NEBL: variants seen among roughly 807,000 people sequenced by gnomAD.
The protein encoded by NEBL is nebulette.
A neutral mutation model predicts 140.2 loss-of-function variants in NEBL; 122 were observed. The ratio of observed to expected loss-of-function variants is 0.87; its 90% CI spans 0.75 to 1.01. NEBL has a LOEUF of 1.01. Ranked by LOEUF, NEBL falls within the 50% of genes least tolerant of loss-of-function variation. The pLI, the probability that NEBL is intolerant of heterozygous loss-of-function variation, is 0.00. For synonymous variants in NEBL, 436 were observed against 398.9 expected, an observed-to-expected ratio of 1.09 and a Z score of -1.11; for missense variants, 1,365 against 1,231.3, an observed-to-expected ratio of 1.11 and a Z score of -1.62.
intron 1 of NEBL, among the ~76,000 whole-genome samples, chr10:21,267,252 A>T (rs1842808055): frequency 6.6e-6 from 1 of 152,186 alleles, no homozygotes; most frequent in African/African-American, 2.4e-5. Context: ...CTGGGATTAC[A>T]GGCATGAGCC....
At chr10:20,819,577 G>A in intron 19 of NEBL, 61 bp from the exon 20 acceptor site, 2 of 1,589,766 alleles carry the variant, frequency 1.3e-6, no homozygotes, top group Non-Finnish European at 1.7e-6. Context: ...CCAAAACATT[G>A]CAACAGATTT....
chr10:20,929,046 C>G (rs575169758), intron 4 of NEBL, among the ~76,000 whole-genome samples: 388 of 152,120 alleles, frequency 2.6e-3, no homozygotes, highest in Non-Finnish European at 4.6e-3. Flanking sequence ...CACCAGGCCT[C>G]TAAAGGTTGG....
chr10:20,992,765 C>CTTTT lies in NEBL; in HGVS notation c.249+27348_249+27351dup, dbSNP rs35627113. ...AATCAGTCATTTGCAACTACAAAGT[C>CTTTT]TTTTTTTTTTTTTTTTTTTTTTTTT... is the stretch of plus-strand genomic sequence containing the variant. On this transcript the variant is annotated intron_variant, in intron 3 of 6. Transcript: ENST00000417816. 7.2e-3 allele frequency among the ~76,000 whole-genome samples: 380 copies of CTTTT among 52,468 alleles called. 81 individuals are homozygous for CTTTT. The highest frequency in any genetic ancestry group is 0.028 in the African/African-American group (331 of 11,812). The allele number at this position is 52,468 out of a possible 152,430, so 34.4% of individuals were successfully genotyped here.
At chr10:21,089,792 G>A (rs1354877365) in intron 2 of NEBL, among the ~76,000 whole-genome samples, 1 of 151,954 alleles carries the variant, frequency 6.6e-6, no homozygotes, top group Non-Finnish European at 1.5e-5. Context: ...ATCCTCCTCT[G>A]AATAAAAGTC....
At chr10:21,121,367 C>T (rs1349120323) in intron 2 of NEBL, among the ~76,000 whole-genome samples, 2 of 151,822 alleles carry the variant, frequency 1.3e-5, no homozygotes, top group African/African-American at 4.9e-5. Context: ...TCTTGAGTTC[C>T]ATCCTACCAA....
chr10:21,111,323 G>A (rs922212155), intron 2 of NEBL, among the ~76,000 whole-genome samples: 8 of 152,076 alleles, frequency 5.3e-5, no homozygotes, highest in Non-Finnish European at 5.9e-5. Context: ...GGGAGGCATC[G>A]TGCTACCTGA....
At chr10:20,940,285 T>C (rs1445157434) in intron 4 of NEBL, among the ~76,000 whole-genome samples, 1 of 150,618 alleles carries the variant, frequency 6.6e-6, no homozygotes, top group Non-Finnish European at 1.5e-5. Context: ...AGAAACTCAA[T>C]CAAAACCGCT....
At chr10:20,939,263 G>C (rs1024205625) in intron 4 of NEBL, among the ~76,000 whole-genome samples, 7 of 152,220 alleles carry the variant, frequency 4.6e-5, no homozygotes, top group African/African-American at 1.2e-4. Flanking sequence ...AGCCAGAAGA[G>C]AGTGGGGGCC....
chr10:20,902,716 G>A (rs1298283893), intron 4 of NEBL, among the ~76,000 whole-genome samples: 1 of 152,072 alleles, frequency 6.6e-6, no homozygotes, highest in Non-Finnish European at 1.5e-5. Context: ...AGTTTTCATA[G>A]CAATTAAGCT....
chr10:21,006,561 G>C (rs1053862813), intron 3 of NEBL, among the ~76,000 whole-genome samples: 5 of 152,188 alleles, frequency 3.3e-5, no homozygotes, highest in Admixed American at 3.3e-4. Context: ...TCCTGCTAAA[G>C]CTTGAGACTT....
At chr10:21,104,069 G>A (rs1837598633) in intron 2 of NEBL, among the ~76,000 whole-genome samples, 1 of 152,122 alleles carries the variant, frequency 6.6e-6, no homozygotes, top group Non-Finnish European at 1.5e-5. Flanking sequence ...TCACCCAGCT[G>A]AATTAACTTG....
intron 4 of NEBL, among the ~76,000 whole-genome samples, chr10:20,959,637 C>G (rs1413642706): frequency 6.6e-6 from 1 of 152,094 alleles, no homozygotes; most frequent in African/African-American, 2.4e-5. Flanking sequence ...AACAGCCTCC[C>G]TTCTTTAAGA....
chr10:20,954,177 A>C (rs905586466), intron 4 of NEBL, among the ~76,000 whole-genome samples: 1 of 152,238 alleles, frequency 6.6e-6, no homozygotes, highest in Non-Finnish European at 1.5e-5. Context: ...GGAGCTTTCA[A>C]GAAGAAAATT....
chr10:21,154,314 C>T (rs990004312), intron 2 of NEBL, among the ~76,000 whole-genome samples: 1 of 151,830 alleles, frequency 6.6e-6, no homozygotes, highest in South Asian at 2.1e-4. Context: ...CAAAAATTAG[C>T]CAAGCATGGT....
intron 1 of NEBL, among the ~76,000 whole-genome samples, chr10:21,276,499 G>C (rs1272328021): frequency 2.0e-5 from 3 of 152,036 alleles, no homozygotes; most frequent in Admixed American, 6.6e-5. Flanking sequence ...CACCAAAACT[G>C]AGCCACAAGT....
chr10:20,977,118 C>A (rs1264664283), intron 3 of NEBL, among the ~76,000 whole-genome samples: 1 of 152,002 alleles, frequency 6.6e-6, no homozygotes, highest in Non-Finnish European at 1.5e-5. Flanking sequence ...ATCAGAACAC[C>A]CAAAGTCAAA....
At chr10:21,161,980 A>C (rs911285636) in intron 2 of NEBL, among the ~76,000 whole-genome samples, 11 of 152,154 alleles carry the variant, frequency 7.2e-5, no homozygotes, top group Admixed American at 7.2e-4. Context: ...CTGTGATTAG[A>C]GGTTTGGGGC....
At chr10:21,262,316 T>C (rs1842749433) in intron 1 of NEBL, among the ~76,000 whole-genome samples, 1 of 152,068 alleles carries the variant, frequency 6.6e-6, no homozygotes, top group Non-Finnish European at 1.5e-5. Context: ...GTTAAACTGA[T>C]TGAACAAGTG....
chr10:21,190,659 C>A (rs534436349), intron 3 of NEBL, among the ~76,000 whole-genome samples: 1 of 152,292 alleles, frequency 6.6e-6, no homozygotes, highest in Admixed American at 6.5e-5. Flanking sequence ...GTGTTATAAT[C>A]TGCTTATACC....
Sources: allele counts gnomAD v4.1 joint callset (sites outside exome capture counted in the v4.1 genomes callset), GRCh38; gene constraint gnomAD v4.1.1; transcripts MANE v1.5; gene names NCBI Gene and HGNC (gene_info 2026-07-23, HGNC 2026-07-21).